ALG5: variants seen among roughly 807,000 people sequenced by gnomAD.
ALG5 encodes dolichyl-phosphate beta-glucosyltransferase.
A neutral mutation model predicts 51.8 loss-of-function variants in ALG5; 26 were observed. The observed-to-expected ratio is 0.50, with a 90% confidence interval of 0.37 to 0.70. The LOEUF (loss-of-function observed/expected upper bound fraction) is 0.70. ALG5 is among the 30% of genes least tolerant of loss of function. The pLI is 0.00. For missense variants in ALG5, 311 were observed against 399.3 expected (o/e 0.78, Z 1.88); for synonymous variants, 141 against 136.1 (o/e 1.04, Z -0.25).
At chr13:36,950,560 T>C (rs2097316610) in intron 9 of ALG5, among the ~76,000 whole-genome samples, 1 of 149,832 alleles carries the variant, frequency 6.7e-6, no homozygotes, top group African/African-American at 2.5e-5. Flanking sequence ...AAATATCTGA[T>C]CCACATATCA....
chr13:36,963,013 A>G (rs1350668005), intron 8 of ALG5, among the ~76,000 whole-genome samples: 3 of 152,136 alleles, frequency 2.0e-5, no homozygotes, highest in African/African-American at 7.2e-5. Context: ...CAGTGGTGCA[A>G]TCATAGCTCA....
intron 8 of ALG5, among the ~76,000 whole-genome samples, chr13:36,963,295 G>A (rs1451668501): frequency 6.6e-6 from 1 of 152,100 alleles, no homozygotes; most frequent in Non-Finnish European, 1.5e-5. Flanking sequence ...TATATGCCTT[G>A]CCTCTTGTCT....
chr13:36,971,270 T>A (rs936287314), intron 7 of ALG5, among the ~76,000 whole-genome samples: 8 of 152,086 alleles, frequency 5.3e-5, no homozygotes, highest in African/African-American at 1.4e-4. Context: ...TAAAAAAAAA[T>A]TTTTAACTGA....
intron 7 of ALG5, among the ~76,000 whole-genome samples, chr13:36,967,095 C>A (rs941268351): frequency 2.8e-4 from 42 of 151,814 alleles, no homozygotes; most frequent in African/African-American, 9.9e-4. Flanking sequence ...TGGTGGCACA[C>A]GCCTGTAGTC....
At chr13:36,964,509 C>T (rs2058883358) in intron 8 of ALG5, among the ~76,000 whole-genome samples, 1 of 152,150 alleles carries the variant, frequency 6.6e-6, no homozygotes, top group African/African-American at 2.4e-5. Context: ...TTCTGTACAA[C>T]AGTGCTAGCC....
rs184173101 is a variant in ALG5 at position 36,986,767 on chromosome 13, A to C, written c.448-1027T>G. On this transcript the variant is annotated intron_variant, in intron 5 of 9. Coordinates refer to ENST00000239891, the MANE Select transcript of ALG5 (RefSeq NM_013338.5). ...CAGTGAGACTCCATCTCTACAAAAA[A>C]ATTTAAAAAATTAGCCTGATATAGT... 1.6e-4 allele frequency among the ~76,000 whole-genome samples: 25 copies of C among 152,250 alleles called. 1 individual carries two copies. Among genetic ancestry groups the C allele is most frequent in the African/African-American group, 5.8e-4 (24 of 41,550 alleles).
intron 1 of ALG5, among the ~76,000 whole-genome samples, chr13:36,995,888 T>C (rs2059047544): frequency 6.6e-6 from 1 of 152,112 alleles, no homozygotes; most frequent in Non-Finnish European, 1.5e-5. Flanking sequence ...ACAATAAAGG[T>C]CAGTCACTAC....
intron 8 of ALG5, chr13:36,952,869 G>GA: frequency 9.0e-6 from 2 of 221,886 alleles, no homozygotes; most frequent in Non-Finnish European, 1.7e-5. Flanking sequence ...TGGGTTCCAA[G>GA]AAAAAATTTA....
chr13:36,950,631 G>A (rs2058813967), intron 9 of ALG5, among the ~76,000 whole-genome samples: 1 of 151,672 alleles, frequency 6.6e-6, no homozygotes. Flanking sequence ...CCAGGCTGTA[G>A]TGCAGTGACA....
chr13:36,983,428 G>C (rs1025972008), intron 6 of ALG5, among the ~76,000 whole-genome samples: 1 of 152,136 alleles, frequency 6.6e-6, no homozygotes, highest in African/African-American at 2.4e-5. Flanking sequence ...TTATAAGCCA[G>C]AGAACTTTTT....
intron 5 of ALG5, among the ~76,000 whole-genome samples, chr13:36,988,049 C>T (rs2059009682): frequency 1.3e-5 from 2 of 152,116 alleles, no homozygotes; most frequent in African/African-American, 2.4e-5. Context: ...TCATGTTCCC[C>T]GTCTAGGCTC....
At chr13:36,994,939 C>A in intron 3 of ALG5, 50 bp downstream of exon 3, 1 of 1,535,688 alleles carries the variant, frequency 6.5e-7, no homozygotes, top group Non-Finnish European at 9.0e-7. Flanking sequence ...AATTGGTGAC[C>A]TGGTCTAGTT....
intron 7 of ALG5, among the ~76,000 whole-genome samples, chr13:36,966,568 G>C (rs2058894484): frequency 1.3e-5 from 2 of 152,162 alleles, no homozygotes; most frequent in Non-Finnish European, 2.9e-5. Context: ...AGAGTCCAGT[G>C]GTGTGGTCAT....
chr13:36,982,310 C>G (rs1188867299), intron 6 of ALG5, among the ~76,000 whole-genome samples: 1 of 152,172 alleles, frequency 6.6e-6, no homozygotes, highest in East Asian at 1.9e-4. Context: ...CACAGCTGAG[C>G]TGAGACAGAA....
rs2059016361 is a variant in ALG5 at position 36,989,522 on chromosome 13, G to C, written c.409C>G (p.Leu137Val). The change falls in exon 5 of 10, where the codon CTG becomes GTG. Residue 137 changes from leucine to valine, a missense_variant. Transcript: ENST00000239891. Reference protein sequence around the residue: ...YGSDKVRVITLVKNRGKGGAI... With the variant: ...YGSDKVRVITVVKNRGKGGAI... Reference sequence around the variant, plus strand: ...CCACCTTTTCCACGATTCTTCACCAGGGTTATCACACGTACTTTGTCACTT... The same window carrying C: ...CCACCTTTTCCACGATTCTTCACCACGGTTATCACACGTACTTTGTCACTT... The C allele has an allele frequency of 6.2e-7, 1 of 1,612,772 alleles. No individual in the cohort carries two copies. The highest frequency in any genetic ancestry group is 8.5e-7 in the Non-Finnish European group (1 of 1,179,316).
intron 8 of ALG5, among the ~76,000 whole-genome samples, chr13:36,961,513 T>TA (rs1481661972): frequency 6.6e-6 from 1 of 152,126 alleles, no homozygotes; most frequent in Non-Finnish European, 1.5e-5. Context: ...GTGCATAGGT[T>TA]ATATGCAAAG....
At chr13:36,958,743 G>T (rs1029884069) in intron 8 of ALG5, among the ~76,000 whole-genome samples, 1 of 152,120 alleles carries the variant, frequency 6.6e-6, no homozygotes, top group Non-Finnish European at 1.5e-5. Flanking sequence ...TAAACATGGG[G>T]CTTGTAACTC....
chr13:36,952,682 G>A, intron 8 of ALG5, 83 bp from the exon 9 acceptor site: 1 of 741,002 alleles, frequency 1.3e-6, no homozygotes, highest in Non-Finnish European at 2.1e-6. Context: ...TTTTAAAGAA[G>A]CTTACATGGC....
intron 5 of ALG5, among the ~76,000 whole-genome samples, chr13:36,985,941 T>A (rs1171037282): frequency 1.3e-5 from 2 of 152,198 alleles, no homozygotes; most frequent in Admixed American, 6.5e-5. Context: ...TTCATTATTT[T>A]AAAAACTTTG....
Sources: allele counts gnomAD v4.1 joint callset (sites outside exome capture counted in the v4.1 genomes callset), GRCh38; gene constraint gnomAD v4.1.1; transcripts MANE v1.5; gene names NCBI Gene and HGNC (gene_info 2026-07-23, HGNC 2026-07-21).